The following KMT2C variants were observed in gnomAD, a reference collection of about 807,000 sequenced individuals.
KMT2C encodes histone-lysine N-methyltransferase 2C.
A neutral mutation model predicts 507.9 loss-of-function variants in KMT2C; 88 were observed. The observed-to-expected ratio is 0.17, with a 90% CI of 0.15 to 0.21. KMT2C has a LOEUF of 0.21. KMT2C is among the 10% of genes least tolerant of loss of function. The pLI, the probability that KMT2C is intolerant of heterozygous loss-of-function variation, is 1.00. For synonymous variants in KMT2C, 2,049 were observed against 2,080.8 expected (o/e 0.98, Z 0.42); for missense variants, 4,954 against 5,957.8 (o/e 0.83, Z 5.55).
At chr7:152,307,143 G>A (rs1158315056) in intron 6 of KMT2C, among the ~76,000 whole-genome samples, 4 of 150,702 alleles carry the variant, frequency 2.7e-5, no homozygotes, top group Admixed American at 2.7e-4. Flanking sequence ...GGACAACAGG[G>A]TGAGACCCTG....
chr7:152,185,356 T>C (rs966849903), intron 34 of KMT2C, among the ~76,000 whole-genome samples: 11 of 152,208 alleles, frequency 7.2e-5, no homozygotes, highest in African/African-American at 2.7e-4. Flanking sequence ...ACGTTTTGGT[T>C]CTATTAACTT....
intron 1 of KMT2C, among the ~76,000 whole-genome samples, chr7:152,429,722 T>A (rs1366166761): frequency 6.6e-6 from 1 of 151,432 alleles, no homozygotes; most frequent in Non-Finnish European, 1.5e-5. Flanking sequence ...GGTTTCACCA[T>A]ATTGGCCAGG....
intron 7 of KMT2C, among the ~76,000 whole-genome samples, chr7:152,267,177 C>T (rs2095871608): frequency 6.6e-6 from 1 of 152,362 alleles, no homozygotes; most frequent in Admixed American, 6.5e-5. Flanking sequence ...CATAGTTTCC[C>T]TTTGTGATCA....
chr7:152,362,307 G>A (rs149141935), intron 1 of KMT2C, among the ~76,000 whole-genome samples: 2 of 152,228 alleles, frequency 1.3e-5, no homozygotes, highest in Non-Finnish European at 2.9e-5. Flanking sequence ...AGCAAGTGAG[G>A]GGGGTTAGAG....
chr7:152,239,029 A>C, intron 14 of KMT2C: 1 of 352,640 alleles, frequency 2.8e-6, no homozygotes, highest in Non-Finnish European at 5.3e-6. Flanking sequence ...TGCTGCTACA[A>C]TTTACATTAA....
chr7:152,433,745 A>C (rs2097887369), intron 1 of KMT2C, among the ~76,000 whole-genome samples: 1 of 152,264 alleles, frequency 6.6e-6, no homozygotes, highest in Non-Finnish European at 1.5e-5. Flanking sequence ...TGAGATTCAG[A>C]ATTAAAATAA....
At chr7:152,284,689 A>G (rs543673064) in intron 6 of KMT2C, among the ~76,000 whole-genome samples, 31 of 152,280 alleles carry the variant, frequency 2.0e-4, no homozygotes, top group Middle Eastern at 3.4e-3. Flanking sequence ...TGTGAATAAT[A>G]TATAAAAAAA....
chr7:152,207,393 A>G lies in KMT2C; in HGVS notation c.3748T>C (p.Ser1250Pro). 6.2e-7 allele frequency: 1 copy of G among 1,608,866 alleles called. No homozygotes were observed. The highest frequency in any genetic ancestry group is 8.5e-7 in the Non-Finnish European group (1 of 1,177,836). Residue 1250 changes from serine to proline, a missense_variant, in exon 24 of 59, where the codon TCT (serine) becomes CCT (proline). Ser to Pro is a moderately conservative substitution (Grantham distance 74). Around this residue, in one of 29 missense-constraint regions of KMT2C, gnomAD observed 176 missense variants for 262.0 expected, o/e 0.67. Coordinates refer to ENST00000262189, the MANE Select transcript of KMT2C (RefSeq NM_170606.3). ...ELMDCDGKSE[S>P]SPEREAVDDE... is the part of the protein sequence containing the mutation. ...TCCACAGCTTCCCGCTCAGGACTAG[A>G]TTCTGATTTTCCATCACAATCCATA...
chr7:152,417,649 T>C (rs2097753463), intron 1 of KMT2C, among the ~76,000 whole-genome samples: 1 of 152,106 alleles, frequency 6.6e-6, no homozygotes, highest in Admixed American at 6.6e-5. Context: ...TTTTTTGTTG[T>C]TGTTGTTGTT....
intron 1 of KMT2C, among the ~76,000 whole-genome samples, chr7:152,425,139 C>T (rs1366406581): frequency 6.6e-6 from 1 of 152,110 alleles, no homozygotes; most frequent in Non-Finnish European, 1.5e-5. Context: ...AAAGTAACAC[C>T]TTAATATATG....
chr7:152,272,004 GTCTC>G (rs551749075), intron 7 of KMT2C, among the ~76,000 whole-genome samples: 30 of 151,874 alleles, frequency 2.0e-4, no homozygotes, highest in Non-Finnish European at 4.0e-4. Context: ...TTTGGGGGGG[GTCTC>G]TCTATTACCT....
At position 152,180,106 on chromosome 7, in the gene KMT2C, G is replaced by T. The variant is rs901284997; in HGVS notation, c.7170C>A (p.Ile2390=). ...TCTTCTGCTGTTGCTGCTGGAGAAT[G>T]ATTTCACGTAACTTCTGCCGCTAAA... is the stretch of plus-strand genomic sequence containing the variant. ...KLRQRQKLRE[I]ILQQQQQKKI... is the part of the protein sequence containing the mutation. Residue 2390 remains isoleucine, a synonymous_variant, in exon 37 of 59, where the codon ATC becomes ATA. Coordinates refer to ENST00000262189, the MANE Select transcript of KMT2C (RefSeq NM_170606.3). 2 of 1,614,106 alleles carry T rather than the reference G, an allele frequency of 1.2e-6. No individual in the cohort carries two copies. Among genetic ancestry groups the T allele is most frequent in the Non-Finnish European group, 1.7e-6 (2 of 1,179,980 alleles).
chr7:152,262,948 T>A, intron 9 of KMT2C, 68 bp downstream of exon 9: 1 of 1,136,754 alleles, frequency 8.8e-7, no homozygotes, highest in Non-Finnish European at 1.3e-6. Flanking sequence ...TGAATAGGTA[T>A]CCGATTTGTC....
At chr7:152,395,322 T>C (rs1207522841) in intron 1 of KMT2C, among the ~76,000 whole-genome samples, 1 of 151,896 alleles carries the variant, frequency 6.6e-6, no homozygotes, top group Non-Finnish European at 1.5e-5. Flanking sequence ...TAGCTGGGAC[T>C]ACAGGCACGT....
At chr7:152,397,994 C>T (rs952230816) in intron 1 of KMT2C, among the ~76,000 whole-genome samples, 3 of 152,180 alleles carry the variant, frequency 2.0e-5, no homozygotes, top group Non-Finnish European at 4.4e-5. Flanking sequence ...ATAAATCCTG[C>T]TCTTCCTAAA....
chr7:152,249,860 T>G lies in KMT2C; in HGVS notation c.1813+16A>C. The G allele has an allele frequency of 6.8e-7, 1 of 1,478,478 alleles. No homozygotes were observed. Among genetic ancestry groups the G allele is most frequent in the Non-Finnish European group, 9.5e-7 (1 of 1,057,404 alleles). The allele number at this position is 1,478,478 out of a possible 1,614,324, so 91.6% of individuals were successfully genotyped here. A position where few individuals can be genotyped will look rare whatever the true frequency, so the allele number is the denominator to read the frequency against. ...TGTAACTCAATCAAATTAGACAATA[T>G]GAACATACTGCTTACCAGCAATAAG... On this transcript the variant is annotated intron_variant, in intron 13 of 58. Coordinates refer to ENST00000262189, the MANE Select transcript of KMT2C (RefSeq NM_170606.3).
chr7:152,176,097 C>A, intron 38 of KMT2C, 94 bp downstream of exon 38: 1 of 1,252,794 alleles, frequency 8.0e-7, no homozygotes, highest in South Asian at 1.6e-5. Context: ...GTGCTTTATT[C>A]CAACTGTAAT....
chr7:152,329,501 T>C (rs1158174787), intron 3 of KMT2C, among the ~76,000 whole-genome samples: 2 of 147,122 alleles, frequency 1.4e-5, no homozygotes, highest in African/African-American at 2.5e-5. Context: ...GCCTGGGAGG[T>C]TGAGCCTGCA....
At chr7:152,216,778 A>G (rs1309724730) in intron 23 of KMT2C, among the ~76,000 whole-genome samples, 1 of 152,222 alleles carries the variant, frequency 6.6e-6, no homozygotes, top group Non-Finnish European at 1.5e-5. Flanking sequence ...TACTAACTCA[A>G]AAGGAACTGA....
Sources: allele counts gnomAD v4.1 joint callset (sites outside exome capture counted in the v4.1 genomes callset), GRCh38; gene constraint gnomAD v4.1.1; regional missense constraint gnomAD v4.1.1; transcripts MANE v1.5; gene names NCBI Gene and HGNC (gene_info 2026-07-23, HGNC 2026-07-21).